The following MTSS1 variants were observed in gnomAD, a reference collection of about 807,000 sequenced individuals.
MTSS1 encodes the protein MTSS I-BAR domain containing 1.
MTSS1 carries 18 observed loss-of-function variants against 79.0 expected under a neutral mutation model. That is an observed-to-expected ratio of 0.23 (90% CI 0.16 to 0.34). MTSS1 has a LOEUF of 0.34. MTSS1 is among the 10% of genes least tolerant of loss of function. The pLI, the probability that MTSS1 is intolerant of heterozygous loss-of-function variation, is 1.00. For missense variants in MTSS1, 815 were observed against 986.2 expected, an observed-to-expected ratio of 0.83 and a Z score of 2.33; for synonymous variants, 341 against 368.6, an observed-to-expected ratio of 0.93 and a Z score of 0.86.
At chr8:124,720,604 C>T (rs992452145) in intron 1 of MTSS1, among the ~76,000 whole-genome samples, 2 of 152,218 alleles carry the variant, frequency 1.3e-5, no homozygotes, top group Admixed American at 1.3e-4. Context: ...TCCTGCTGGG[C>T]CAGCTGACCT....
intron 3 of MTSS1, among the ~76,000 whole-genome samples, chr8:124,624,509 GC>G (rs1202516120): frequency 6.6e-6 from 1 of 152,108 alleles, no homozygotes; most frequent in Non-Finnish European, 1.5e-5. Flanking sequence ...TGTCTATTCA[GC>G]CTGGCAGCTC....
rs761601050 is a variant in MTSS1, at chr8:124,568,519, G to C, written c.478C>G (p.Pro160Ala). Residue 160 changes from proline to alanine, a missense_variant, in exon 7 of 14, where the codon CCT (proline) becomes GCT (alanine). Around this residue, in one of 2 missense-constraint regions of MTSS1, gnomAD observed 225 missense variants for 365.4 expected, o/e 0.62. Transcript: ENST00000518547. ...KAKKGRGDIQPQLDSALQDVN... is the reference protein window; with the variant it reads ...KAKKGRGDIQAQLDSALQDVN... Reference sequence around the variant, plus strand: ...TCTTGGAGAGCACTGTCCAACTGAGGCTGGATATCACCTCTCCCTGCAAAA... The same window carrying C: ...TCTTGGAGAGCACTGTCCAACTGAGCCTGGATATCACCTCTCCCTGCAAAA... The C allele has an allele frequency of 6.2e-7, 1 of 1,614,126 alleles. No individual in the cohort carries two copies.
chr8:124,714,057 TC>T (rs1352103699), intron 1 of MTSS1, among the ~76,000 whole-genome samples: 7 of 152,328 alleles, frequency 4.6e-5, no homozygotes, highest in African/African-American at 1.4e-4. Flanking sequence ...CCATGACATT[TC>T]CTTTATGATT....
intron 6 of MTSS1, among the ~76,000 whole-genome samples, chr8:124,579,341 G>A (rs1319092156): frequency 6.6e-6 from 1 of 152,190 alleles, no homozygotes; most frequent in Non-Finnish European, 1.5e-5. Context: ...TGGTTGTCAG[G>A]GTCAGCGTGG....
At chr8:124,678,858 AC>A (rs1825714289) in intron 3 of MTSS1, among the ~76,000 whole-genome samples, 1 of 152,190 alleles carries the variant, frequency 6.6e-6, no homozygotes, top group Admixed American at 6.5e-5. Context: ...GAACCTGCAG[AC>A]CAATTCGTTA....
chr8:124,668,694 A>G (rs748900499), intron 3 of MTSS1, among the ~76,000 whole-genome samples: 6 of 152,194 alleles, frequency 3.9e-5, no homozygotes, highest in Admixed American at 2.6e-4. Context: ...GTTAGCCACA[A>G]TGAAGACCTC....
intron 1 of MTSS1, among the ~76,000 whole-genome samples, chr8:124,721,503 G>A (rs997105521): frequency 6.8e-6 from 1 of 146,244 alleles, no homozygotes; most frequent in African/African-American, 2.5e-5. Flanking sequence ...TCTGCCTCCC[G>A]GGTTCAAGCA....
chr8:124,568,950 G>T (rs1827163670), intron 6 of MTSS1: 7 of 955,236 alleles, frequency 7.3e-6, no homozygotes, highest in Non-Finnish European at 9.6e-6. Context: ...AACGGGCACG[G>T]GCTGGCTTTG....
At chr8:124,578,679 C>T (rs377465344) in intron 6 of MTSS1, among the ~76,000 whole-genome samples, 4 of 152,104 alleles carry the variant, frequency 2.6e-5, no homozygotes, top group African/African-American at 9.7e-5. Flanking sequence ...CTTGTAATCC[C>T]AGCTACTTGG....
chr8:124,584,980 A>G, intron 6 of MTSS1, 107 bp downstream of exon 6: 1 of 882,862 alleles, frequency 1.1e-6, no homozygotes, highest in Admixed American at 2.2e-5. Context: ...CCTGTTTTCC[A>G]GGGCCGTCAT....
At chr8:124,599,205 G>A (rs781425701) in intron 3 of MTSS1, among the ~76,000 whole-genome samples, 12 of 149,496 alleles carry the variant, frequency 8.0e-5, no homozygotes, top group East Asian at 5.9e-4. Flanking sequence ...CTAAGTAGCC[G>A]GGTGCGGTGG....
rs545220580 is a variant in MTSS1, at chr8:124,556,151, G to A, written c.1404+81C>T. 1,790 of 1,599,124 alleles carry A rather than the reference G, an allele frequency of 1.1e-3. 15 individuals are homozygous for A. The highest frequency in any genetic ancestry group is 8.4e-3 in the South Asian group (745 of 88,622). On this transcript the variant is annotated intron_variant, in intron 12 of 13. Coordinates refer to ENST00000518547, the MANE Select transcript of MTSS1 (RefSeq NM_014751.6). ...GTCCCTCCAGCTGCAAGGCTGCCTT[G>A]GCCCCCCAGTTGCTGGCCAGAATGT... is the stretch of plus-strand genomic sequence containing the variant.
At position 124,603,108 on chromosome 8, in the gene MTSS1, C is replaced by T. The variant is rs144031412; in HGVS notation, c.209-11873G>A. Among the ~76,000 whole-genome samples the T allele has an allele frequency of 2.3e-3, 357 of 152,346 alleles. 1 individual carries two copies. The highest frequency in any genetic ancestry group is 8.2e-3 in the African/African-American group (340 of 41,578). On this transcript the variant is annotated intron_variant, in intron 3 of 13. Transcript: ENST00000518547. ...TGGCACCATCTCAGCTCACCACAAC[C>T]TACACCTCCCGGGTTCAAGCAATTC...
chr8:124,604,835 G>A (rs1186769674), intron 3 of MTSS1, among the ~76,000 whole-genome samples: 1 of 110,740 alleles, frequency 9.0e-6, no homozygotes, highest in East Asian at 2.7e-4. Flanking sequence ...CCCACTTCAC[G>A]ACTTTTCAAA....
intron 3 of MTSS1, among the ~76,000 whole-genome samples, chr8:124,694,880 C>A (rs1435587040): frequency 2.0e-5 from 3 of 152,154 alleles, no homozygotes; most frequent in African/African-American, 7.2e-5. Flanking sequence ...ATATTTAAAA[C>A]AAATTGTATA....
At chr8:124,616,147 T>C (rs1443202318) in intron 3 of MTSS1, among the ~76,000 whole-genome samples, 2 of 152,156 alleles carry the variant, frequency 1.3e-5, no homozygotes, top group Non-Finnish European at 2.9e-5. Context: ...ACATTCAACA[T>C]GAACATGCAA....
At chr8:124,618,112 G>A (rs1354363991) in intron 3 of MTSS1, among the ~76,000 whole-genome samples, 2 of 152,156 alleles carry the variant, frequency 1.3e-5, no homozygotes, top group African/African-American at 4.8e-5. Context: ...GAGAGGGTAA[G>A]GAACCTGCCT....
At chr8:124,558,359 A>C (rs1157309155) in intron 10 of MTSS1, among the ~76,000 whole-genome samples, 1 of 152,150 alleles carries the variant, frequency 6.6e-6, no homozygotes, top group Non-Finnish European at 1.5e-5. Context: ...GCGGAAAAGC[A>C]CACAGCCTCT....
chr8:124,632,231 A>G (rs774376190), intron 3 of MTSS1, among the ~76,000 whole-genome samples: 6 of 149,728 alleles, frequency 4.0e-5, no homozygotes, highest in Non-Finnish European at 5.9e-5. Flanking sequence ...GTGAACTATG[A>G]CCATAACCAC....
Sources: gnomAD v4.1 joint callset for allele counts (sites outside exome capture counted in the v4.1 genomes callset) on GRCh38, gnomAD v4.1.1 for gene constraint, gnomAD v4.1.1 regional missense constraint, MANE v1.5 for transcripts, NCBI Gene and HGNC (gene_info 2026-07-23, HGNC 2026-07-21) for gene names.